ZFAT: variants seen among roughly 807,000 people sequenced by gnomAD.
ZFAT encodes zinc finger and AT-hook domain containing, also known as zinc finger protein ZFAT.
A neutral mutation model predicts 117.7 loss-of-function variants in ZFAT; 64 were observed. That is an observed-to-expected ratio of 0.54 (90% CI 0.44 to 0.67). The LOEUF (loss-of-function observed/expected upper bound fraction) is 0.67, where lower values mean the gene tolerates loss of function less well. Ranked by LOEUF, ZFAT falls within the 30% of genes least tolerant of loss-of-function variation. The pLI is 0.00. For synonymous variants in ZFAT, 679 were observed against 615.0 expected (o/e 1.10, Z -1.54); for missense variants, 1,433 against 1,584.5 (o/e 0.90, Z 1.62).
chr8:134,509,914 T>A, intron 14 of ZFAT, 165 bp from the exon 15 acceptor site: 1 of 817,992 alleles, frequency 1.2e-6, no homozygotes, highest in South Asian at 1.7e-5. Flanking sequence ...TATAGTGCTT[T>A]ATAGCTTACA....
chr8:134,622,677 C>A (rs1829210653), intron 3 of ZFAT, among the ~76,000 whole-genome samples: 1 of 152,156 alleles, frequency 6.6e-6, no homozygotes. Context: ...CCAGTAAGGA[C>A]CACACAATGG....
intron 13 of ZFAT, among the ~76,000 whole-genome samples, chr8:134,518,589 T>C (rs921770923): frequency 6.6e-6 from 1 of 152,128 alleles, no homozygotes; most frequent in South Asian, 2.1e-4. Context: ...ACCTTTCTTA[T>C]CTCTTGTCCA....
chr8:134,688,183 A>G (rs976855973), intron 1 of ZFAT, among the ~76,000 whole-genome samples: 11 of 152,222 alleles, frequency 7.2e-5, no homozygotes, highest in Non-Finnish European at 1.3e-4. Flanking sequence ...TCGATGCTGA[A>G]GAGAACAGAG....
At chr8:134,598,080 C>T (rs979341067) in intron 7 of ZFAT, 2 of 152,256 alleles carry the variant, frequency 1.3e-5, no homozygotes, top group Non-Finnish European at 2.9e-5. Flanking sequence ...AGAGACCTAC[C>T]AAGAACCATG....
the ZFAT span, among the ~76,000 whole-genome samples, chr8:134,779,658 G>T: frequency 6.6e-6 from 1 of 151,914 alleles, no homozygotes; most frequent in African/African-American, 2.4e-5. Context: ...ATTGCCAAAA[G>T]ACAAAAAATG....
chr8:134,716,250 G>A (rs1814210886), upstream of ZFAT, among the ~76,000 whole-genome samples: 1 of 151,668 alleles, frequency 6.6e-6, no homozygotes, highest in African/African-American at 2.4e-5. Flanking sequence ...ATCAGAGGTG[G>A]GAATAATCAG....
At chr8:134,513,311 C>T (rs560257668) in intron 13 of ZFAT, among the ~76,000 whole-genome samples, 1 of 151,992 alleles carries the variant, frequency 6.6e-6, no homozygotes, top group Admixed American at 6.6e-5. Flanking sequence ...GATTCTCCTG[C>T]CTCAGCCTCC....
chr8:134,488,872 A>G (rs1187212736), intron 15 of ZFAT, among the ~76,000 whole-genome samples: 1 of 151,942 alleles, frequency 6.6e-6, no homozygotes. Flanking sequence ...GATGGGGAAA[A>G]GCACCGGGCA....
intron 1 of ZFAT, among the ~76,000 whole-genome samples, chr8:134,705,669 C>T (rs746862437): frequency 8.6e-5 from 13 of 151,822 alleles, no homozygotes; most frequent in Non-Finnish European, 1.8e-4. Flanking sequence ...GCTGGGACTA[C>T]AGGCATGAGC....
At chr8:134,670,766 A>G (rs1832521041) in intron 1 of ZFAT, among the ~76,000 whole-genome samples, 1 of 152,278 alleles carries the variant, frequency 6.6e-6, no homozygotes, top group African/African-American at 2.4e-5. Flanking sequence ...GAAGAACTGA[A>G]GGAGATAGAA....
At chr8:134,708,387 A>G (rs1297602386) in intron 1 of ZFAT, among the ~76,000 whole-genome samples, 1 of 152,130 alleles carries the variant, frequency 6.6e-6, no homozygotes. Flanking sequence ...GCTTGATTTA[A>G]TTATTCCACA....
intron 10 of ZFAT, among the ~76,000 whole-genome samples, chr8:134,576,968 C>T (rs767360312): frequency 3.3e-5 from 5 of 152,170 alleles, no homozygotes; most frequent in Non-Finnish European, 7.3e-5. Flanking sequence ...TTTATTATTT[C>T]ATGATTTAAG....
chr8:134,528,741 C>T (rs1821192809), intron 12 of ZFAT, among the ~76,000 whole-genome samples: 1 of 152,156 alleles, frequency 6.6e-6, no homozygotes, highest in African/African-American at 2.4e-5. Flanking sequence ...CGCTCCAGGG[C>T]ACAGCTGAAG....
At chr8:134,511,276 G>A (rs1312568210) in intron 14 of ZFAT, among the ~76,000 whole-genome samples, 1 of 152,144 alleles carries the variant, frequency 6.6e-6, no homozygotes, top group Non-Finnish European at 1.5e-5. Flanking sequence ...GCTCATAGGG[G>A]ATGAAGACAG....
At chr8:134,494,623 C>T (rs1334546647) in intron 15 of ZFAT, among the ~76,000 whole-genome samples, 2 of 152,206 alleles carry the variant, frequency 1.3e-5, no homozygotes, top group East Asian at 1.9e-4. Context: ...TGAAGGAAAA[C>T]GGAGCTGGCA....
intron 3 of ZFAT, among the ~76,000 whole-genome samples, chr8:134,630,079 G>A (rs1316740952): frequency 1.3e-5 from 2 of 152,202 alleles, no homozygotes; most frequent in Non-Finnish European, 2.9e-5. Context: ...GCTATCAGGT[G>A]TAACCAGGTC....
At chr8:134,574,372 A>T (rs1825153097) in intron 10 of ZFAT, among the ~76,000 whole-genome samples, 1 of 151,976 alleles carries the variant, frequency 6.6e-6, no homozygotes, top group Non-Finnish European at 1.5e-5. Context: ...CCACCGTGGG[A>T]TCTATGAAGC....
chr8:134,820,922 A>C, the ZFAT span, among the ~76,000 whole-genome samples: 3 of 152,216 alleles, frequency 2.0e-5, no homozygotes, highest in Non-Finnish European at 4.4e-5. Context: ...CCAGCACCAC[A>C]TGGTGCCTAC....
chr8:134,831,887 G>A, the ZFAT span, among the ~76,000 whole-genome samples: 3 of 152,032 alleles, frequency 2.0e-5, no homozygotes, highest in African/African-American at 7.2e-5. Context: ...CGTGTCCCGA[G>A]AGCCTGTCAG....
Sources: allele counts gnomAD v4.1 joint callset (sites outside exome capture counted in the v4.1 genomes callset), GRCh38; gene constraint gnomAD v4.1.1; transcripts MANE v1.5; gene names NCBI Gene and HGNC (gene_info 2026-07-23, HGNC 2026-07-21).